The following SEMA6A variants were observed in gnomAD, a reference collection of about 807,000 sequenced individuals.
The protein encoded by SEMA6A is semaphorin-6A.
A neutral mutation model predicts 96.8 loss-of-function variants in SEMA6A; 25 were observed. That is an observed-to-expected ratio of 0.26 (90% CI 0.19 to 0.36). SEMA6A has a LOEUF of 0.36. SEMA6A is among the 10% of genes least tolerant of loss of function. SEMA6A has a pLI of 1.00. For missense variants in SEMA6A, 1,363 were observed against 1,323.1 expected (o/e 1.03, Z -0.47); for synonymous variants, 612 against 518.0 (o/e 1.18, Z -2.46).
At chr5:116,573,247 C>G (rs1478018229) in intron 1 of SEMA6A, among the ~76,000 whole-genome samples, 3 of 152,192 alleles carry the variant, frequency 2.0e-5, no homozygotes, top group Non-Finnish European at 2.9e-5. Flanking sequence ...GAACAGAGCC[C>G]TAGTCTGGGT....
intron 18 of SEMA6A, among the ~76,000 whole-genome samples, chr5:116,463,812 A>C (rs188564808): frequency 5.1e-4 from 77 of 152,354 alleles, no homozygotes; most frequent in African/African-American, 1.7e-3. Flanking sequence ...TATAAAATAA[A>C]GTCTGAAGTA....
At chr5:116,482,824 T>C (rs1376095812) in intron 10 of SEMA6A, among the ~76,000 whole-genome samples, 2 of 152,230 alleles carry the variant, frequency 1.3e-5, no homozygotes, top group Non-Finnish European at 2.9e-5. Context: ...CATGTCTACA[T>C]TGCTTCTTGA....
chr5:116,503,213 GA>G (rs753321441), intron 2 of SEMA6A, among the ~76,000 whole-genome samples: 14 of 152,156 alleles, frequency 9.2e-5, no homozygotes, highest in Non-Finnish European at 1.8e-4. Flanking sequence ...GTTTTCTGGA[GA>G]GGGGTGGGGG....
chr5:116,497,177 C>G (rs1440099977), intron 4 of SEMA6A, 150 bp downstream of exon 4: 1 of 558,004 alleles, frequency 1.8e-6, no homozygotes. Context: ...CAAATCCTAA[C>G]CTATTCCCTA....
intron 11 of SEMA6A, 36 bp from the exon 12 acceptor site, chr5:116,480,313 T>C: frequency 6.2e-7 from 1 of 1,610,014 alleles, no homozygotes; most frequent in Non-Finnish European, 8.5e-7. Context: ...GGAGGGAGCT[T>C]ATTTTCTGCC....
At chr5:116,554,830 C>T (rs1760549735) in intron 1 of SEMA6A, 1 of 152,088 alleles carries the variant, frequency 6.6e-6, no homozygotes, top group Non-Finnish European at 1.5e-5. Flanking sequence ...CTCCCTAAGC[C>T]AGGAAAGGCA....
chr5:116,466,561 G>A (rs1379216775), intron 18 of SEMA6A, among the ~76,000 whole-genome samples: 1 of 152,116 alleles, frequency 6.6e-6, no homozygotes, highest in Non-Finnish European at 1.5e-5. Context: ...AAGCAAAAAA[G>A]CAGATGAAAA....
chr5:116,540,077 C>T (rs1346586446), intron 1 of SEMA6A, among the ~76,000 whole-genome samples: 1 of 151,972 alleles, frequency 6.6e-6, no homozygotes, highest in East Asian at 1.9e-4. Flanking sequence ...TTTACAAAAC[C>T]CCTTTTCTTC....
At chr5:116,478,280 C>A (rs1256788915) in intron 13 of SEMA6A, 126 bp from the exon 14 acceptor site, 2 of 1,146,428 alleles carry the variant, frequency 1.7e-6, no homozygotes, top group East Asian at 2.6e-5. Flanking sequence ...ACAAACAAAC[C>A]CTTCTGCTCT....
At chr5:116,513,941 C>A (rs1758544380) in intron 1 of SEMA6A, among the ~76,000 whole-genome samples, 1 of 152,148 alleles carries the variant, frequency 6.6e-6, no homozygotes, top group South Asian at 2.1e-4. Context: ...CCATCCATGT[C>A]CCTGCAAAGG....
intron 18 of SEMA6A, among the ~76,000 whole-genome samples, chr5:116,454,256 C>T (rs947013670): frequency 1.3e-5 from 2 of 152,100 alleles, no homozygotes; most frequent in Non-Finnish European, 2.9e-5. Context: ...TGTGTTGGGT[C>T]TGAGAGCTAA....
intron 3 of SEMA6A, among the ~76,000 whole-genome samples, chr5:116,501,815 A>G (rs1440815857): frequency 6.6e-6 from 1 of 152,144 alleles, no homozygotes; most frequent in Non-Finnish European, 1.5e-5. Context: ...TGAACCCAGG[A>G]GAGGGAGGCT....
chr5:116,496,372 AAGT>A (rs1167924555), intron 4 of SEMA6A, 59 bp from the exon 5 acceptor site: 2 of 1,469,018 alleles, frequency 1.4e-6, no homozygotes, highest in Non-Finnish European at 1.9e-6. Context: ...TTGATTTTAG[AAGT>A]AAGAGTTCCC....
intron 1 of SEMA6A, among the ~76,000 whole-genome samples, chr5:116,559,099 TTCC>T (rs1437822536): frequency 2.0e-5 from 3 of 152,208 alleles, no homozygotes; most frequent in Non-Finnish European, 4.4e-5. Flanking sequence ...TGCTTCCGTC[TTCC>T]TCCTATTAGC....
chr5:116,468,403 C>T (rs1297290134), intron 17 of SEMA6A: 2 of 152,196 alleles, frequency 1.3e-5, no homozygotes, highest in Non-Finnish European at 2.9e-5. Context: ...GGAATGGAGG[C>T]TTCAACGGCT....
At position 116,475,557 on chromosome 5, in the gene SEMA6A, C is replaced by T. The variant is rs1478021256; in HGVS notation, c.1696G>A (p.Gly566Arg). The T allele has an allele frequency of 1.9e-6, 3 of 1,602,354 alleles. No individual in the cohort carries two copies. Among genetic ancestry groups the T allele is most frequent in the Non-Finnish European group, 2.6e-6 (3 of 1,174,254 alleles). The change falls in exon 16 of 19, where the codon GGG becomes AGG. Residue 566 changes from glycine (G) to arginine (R), a missense_variant. Gly to Arg is a moderately radical substitution (Grantham distance 125, BLOSUM62 -2). Coordinates refer to ENST00000343348, the MANE Select transcript of SEMA6A (RefSeq NM_020796.5). ...AGACTGTACTTACTGTGACAGTCCC[C>T]CAGACCATCTGTATTGCCACGCTCT... ...DIERGNTDGL[G>R]DCHNSFVALN... is the part of the protein sequence containing the mutation.
chr5:116,483,786 G>A (rs895518913), intron 10 of SEMA6A, among the ~76,000 whole-genome samples: 16 of 152,196 alleles, frequency 1.1e-4, no homozygotes, highest in South Asian at 2.1e-4. Context: ...GTGATAGGCC[G>A]GGCGAAGTGG....
intron 18 of SEMA6A, among the ~76,000 whole-genome samples, chr5:116,451,803 GACAA>G (rs1477500032): frequency 6.6e-6 from 1 of 152,006 alleles, no homozygotes; most frequent in African/African-American, 2.4e-5. Context: ...GCATCTATCA[GACAA>G]ACAAAAATAA....
At chr5:116,451,979 A>T (rs1580441420) in intron 18 of SEMA6A, among the ~76,000 whole-genome samples, 1 of 150,350 alleles carries the variant, frequency 6.7e-6, no homozygotes, top group African/African-American at 2.5e-5. Flanking sequence ...AAAAAAAAAA[A>T]TGCATCTCTG....
Sources: gnomAD v4.1 joint callset for allele counts (sites outside exome capture counted in the v4.1 genomes callset) on GRCh38, gnomAD v4.1.1 for gene constraint, MANE v1.5 for transcripts, NCBI Gene and HGNC (gene_info 2026-07-23, HGNC 2026-07-21) for gene names.